Variants in P2RX5 observed in about 807,000 individuals in gnomAD.
The protein encoded by P2RX5 is P2X purinoceptor 5.
A neutral mutation model predicts 54.1 loss-of-function variants in P2RX5; 46 were observed. The observed-to-expected ratio is 0.85, with a 90% CI of 0.67 to 1.09. P2RX5 has a LOEUF of 1.09. Among genes scored for constraint, P2RX5 ranks in the 50% least tolerant of loss-of-function variants. The pLI, the probability that P2RX5 is intolerant of heterozygous loss-of-function variation, is 0.00. For missense variants in P2RX5, 566 were observed against 549.8 expected (o/e 1.03, Z -0.29); for synonymous variants, 226 against 226.4 (o/e 1.00, Z 0.02).
the P2RX5 span, among the ~76,000 whole-genome samples, chr17:3,710,397 A>G: frequency 6.6e-6 from 1 of 151,906 alleles, no homozygotes; most frequent in Non-Finnish European, 1.5e-5. Flanking sequence ...ACTGCACTCC[A>G]GCCTGGGAGA....
the P2RX5 span, among the ~76,000 whole-genome samples, chr17:3,711,367 ATTC>A: frequency 1.6e-4 from 14 of 88,134 alleles, no homozygotes; most frequent in Non-Finnish European, 2.7e-4. Context: ...CCCAGCACTC[ATTC>A]TTTTTTTTTT....
At chr17:3,697,500 A>G (rs1326482050), upstream of P2RX5, among the ~76,000 whole-genome samples, 3 of 152,174 alleles carry the variant, frequency 2.0e-5, no homozygotes, top group Non-Finnish European at 4.4e-5. Context: ...TCACACACAA[A>G]GAGGCTCCCT....
At chr17:3,691,900 T>G in intron 1 of P2RX5, 106 bp from the exon 2 acceptor site, 3 of 1,182,622 alleles carry the variant, frequency 2.5e-6, no homozygotes, top group Non-Finnish European at 3.8e-6. Context: ...CTAGTTGAGG[T>G]GGAGCAGGCT....
At position 3,695,807 on chromosome 17, in the gene P2RX5, C is replaced by A. The variant is rs539862832; in HGVS notation, c.137+62G>T. The A allele has an allele frequency of 2.8e-5, 44 of 1,591,684 alleles. No homozygotes were observed. The Admixed American group carries it at 5.0e-4, about 18-fold the overall frequency. ...CGAATTCCAGGACCCTGGAGAAGGACGCGGCGGCTGGCACCCGCCCTGCCC... is the reference window on the plus strand; with the variant it reads ...CGAATTCCAGGACCCTGGAGAAGGAAGCGGCGGCTGGCACCCGCCCTGCCC... On this transcript the variant is annotated intron_variant, in intron 1 of 11. Coordinates refer to ENST00000225328, the MANE Select transcript of P2RX5 (RefSeq NM_002561.4).
the P2RX5 span, among the ~76,000 whole-genome samples, chr17:3,714,066 T>C: frequency 6.6e-6 from 1 of 151,756 alleles, no homozygotes; most frequent in African/African-American, 2.4e-5. Flanking sequence ...TAGCTGGGAC[T>C]ACAGGCACCT....
rs2050599158 is a variant in P2RX5 at position 3,690,959 on chromosome 17, A to C, written c.357T>G (p.Ala119=). 6.2e-7 allele frequency: 1 copy of C among 1,605,722 alleles called. No individual in the cohort carries two copies. The highest frequency in any genetic ancestry group is 1.7e-5 in the Admixed American group (1 of 58,546). ...VTPNQRQNVC[A]ENEGIPDGAC... is the part of the protein sequence containing the mutation. Reference sequence around the variant, plus strand: ...AGGGCCCCTCGCCAAATCAAACCTCAGCACAGACGTTCTGCCGCTGGTTGG... The same window carrying C: ...AGGGCCCCTCGCCAAATCAAACCTCCGCACAGACGTTCTGCCGCTGGTTGG... Residue 119 remains alanine (A), a synonymous_variant, in exon 3 of 12, where the codon GCT becomes GCG. Coordinates refer to ENST00000225328, the MANE Select transcript of P2RX5 (RefSeq NM_002561.4).
intron 11 of P2RX5, among the ~76,000 whole-genome samples, chr17:3,679,347 C>T (rs975231229): frequency 2.0e-5 from 3 of 152,266 alleles, no homozygotes; most frequent in Non-Finnish European, 4.4e-5. Flanking sequence ...ATCATCTGAG[C>T]GCCGGCATGG....
Position 3,673,720 on chromosome 17 carries a change from G to A in P2RX5, c.*148C>T. 1 of 1,592,966 alleles carries A rather than the reference G, an allele frequency of 6.3e-7. No homozygotes were observed. Among genetic ancestry groups the A allele is most frequent in the Non-Finnish European group, 8.5e-7 (1 of 1,170,306 alleles). On this transcript the variant is annotated 3_prime_UTR_variant, in exon 12 of 12. Coordinates refer to ENST00000225328, the MANE Select transcript of P2RX5 (RefSeq NM_002561.4). Reference sequence around the variant, plus strand: ...TCAGACGTGGAGGTCACTTTGCTCTGTGATGGCTGGTCCCTGTGATGTGGC... The same window carrying A: ...TCAGACGTGGAGGTCACTTTGCTCTATGATGGCTGGTCCCTGTGATGTGGC...
At chr17:3,684,346 A>G (rs7211688) in intron 9 of P2RX5, among the ~76,000 whole-genome samples, 1 of 152,236 alleles carries the variant, frequency 6.6e-6, no homozygotes, top group African/African-American at 2.4e-5. Context: ...GCTCACGCCC[A>G]TAATCCCAGC....
the P2RX5 span, among the ~76,000 whole-genome samples, chr17:3,707,786 C>A: frequency 6.6e-6 from 1 of 151,970 alleles, no homozygotes; most frequent in East Asian, 1.9e-4. Context: ...CGGCCAGACG[C>A]GGTGGCTCAC....
chr17:3,691,559 G>A (rs886502313), intron 2 of P2RX5, 85 bp downstream of exon 2: 9 of 1,529,166 alleles, frequency 5.9e-6, no homozygotes, highest in Middle Eastern at 1.9e-4. Context: ...GGGGGTCCCT[G>A]CGTATCCAAG....
At chr17:3,710,928 AAAAAC>A in the P2RX5 span, among the ~76,000 whole-genome samples, 593 of 152,338 alleles carry the variant, frequency 3.9e-3, 3 homozygotes, top group Non-Finnish European at 5.6e-3. Context: ...CCTGTCTCAA[AAAAAC>A]AAAACAAAAC....
chr17:3,675,191 C>T (rs982672030), intron 11 of P2RX5: 8 of 199,302 alleles, frequency 4.0e-5, no homozygotes, highest in African/African-American at 1.2e-4. Context: ...AAGTGCACGC[C>T]GCCACGCCCA....
chr17:3,687,985 C>T, intron 9 of P2RX5, 27 bp downstream of exon 9: 1 of 872,410 alleles, frequency 1.1e-6, no homozygotes, highest in Non-Finnish European at 1.8e-6. Context: ...CCCCGCCCAG[C>T]CTCAGAACAG....
At chr17:3,723,460 G>A in the P2RX5 span, 2 of 1,157,710 alleles carry the variant, frequency 1.7e-6, no homozygotes, top group Non-Finnish European at 2.6e-6. Context: ...TTCGGACACA[G>A]AGCATCGTAA....
chr17:3,690,493 T>C lies in P2RX5; in HGVS notation c.467A>G (p.Glu156Gly), dbSNP rs1167491194. Residue 156 changes from glutamate (E) to glycine (G), a missense_variant, in exon 5 of 12, where the codon GAG (glutamate) becomes GGG (glycine). Physicochemically the swap from Glu to Gly is moderately conservative, Grantham distance 98. Transcript: ENST00000225328. ...GVKTGRCLRR[E>G]NLARGTCEIF... ...CTCACAGGTGCCCCTGGCCAAGTTC[T>C]CTCTCCGCAGGCAGCGGCCGGTCTT... 4 of 1,613,448 alleles carry C rather than the reference T, an allele frequency of 2.5e-6. No individual in the cohort carries two copies. In the South Asian group the frequency reaches 3.3e-5, roughly 13 times the overall value.
rs754806273 is a variant in P2RX5 at position 3,679,743 on chromosome 17, G to A, written c.1106C>T (p.Ser369Leu). ...DSSQEAEDEASGLGLSEQLTS... is the reference protein window; with the variant it reads ...DSSQEAEDEALGLGLSEQLTS... ...GAGCTGCTCAGATAGCCCCAGCCCC[G>A]ATGCCTCGTCCTCGGCCTCCTGGGA... The change falls in exon 11 of 12, where the codon TCG (serine) becomes TTG (leucine). Residue 369 changes from serine (S) to leucine (L), a missense_variant. Coordinates refer to ENST00000225328, the MANE Select transcript of P2RX5 (RefSeq NM_002561.4). 3.1e-6 allele frequency: 5 copies of A among 1,612,164 alleles called. No individual in the cohort carries two copies. The highest frequency in any genetic ancestry group is 2.2e-5 in the South Asian group (2 of 91,086).
the P2RX5 span, chr17:3,723,269 G>A: frequency 6.6e-7 from 1 of 1,517,560 alleles, no homozygotes; most frequent in Non-Finnish European, 9.2e-7. Flanking sequence ...CAAATCTGGA[G>A]CATTTCAGTC....
At chr17:3,679,384 G>A (rs1160472153) in intron 11 of P2RX5, among the ~76,000 whole-genome samples, 1 of 152,200 alleles carries the variant, frequency 6.6e-6, no homozygotes, top group Non-Finnish European at 1.5e-5. Flanking sequence ...GGCCATCCAG[G>A]GTCTCGGGAG....
Sources: allele counts gnomAD v4.1 joint callset (sites outside exome capture counted in the v4.1 genomes callset), GRCh38; gene constraint gnomAD v4.1.1; transcripts MANE v1.5; gene names NCBI Gene and HGNC (gene_info 2026-07-23, HGNC 2026-07-21).